The following BCL2L11 variants were observed in gnomAD, a reference collection of about 807,000 sequenced individuals.
BCL2L11 encodes BCL2 like 11.
BCL2L11 carries 15 observed loss-of-function variants against 20.6 expected under a neutral mutation model. The ratio of observed to expected loss-of-function variants is 0.73; its 90% CI spans 0.49 to 1.12. The LOEUF is 1.12. Among genes scored for constraint, BCL2L11 ranks in the 50% most tolerant of loss-of-function variants. The pLI, the probability that BCL2L11 is intolerant of heterozygous loss-of-function variation, is 0.00. For missense variants in BCL2L11, 292 were observed against 260.9 expected (o/e 1.12, Z -0.82); for synonymous variants, 108 against 92.8 (o/e 1.16, Z -0.94).
intron 3 of BCL2L11, among the ~76,000 whole-genome samples, chr2:111,150,764 A>AT (rs1353695261): frequency 6.6e-6 from 1 of 152,142 alleles, no homozygotes; most frequent in East Asian, 1.9e-4. Context: ...TATGTTCTTG[A>AT]TTTTTTAAAA....
At chr2:111,154,020 C>T (rs575668157) in intron 3 of BCL2L11, 1 of 1,169,216 alleles carries the variant, frequency 8.6e-7, no homozygotes. Flanking sequence ...TTTTACTACT[C>T]CAGTGGATTT....
At chr2:111,145,885 CAT>C in intron 2 of BCL2L11, 1 of 842,054 alleles carries the variant, frequency 1.2e-6, no homozygotes, top group Non-Finnish European at 1.4e-6. Context: ...TTATATCTGA[CAT>C]ATTGCATTAT....
At chr2:111,129,973 T>C (rs185412292) in intron 2 of BCL2L11, among the ~76,000 whole-genome samples, 1 of 152,366 alleles carries the variant, frequency 6.6e-6, no homozygotes, top group Admixed American at 6.5e-5. Context: ...CTGAATAGTA[T>C]TCCATAGATG....
intron 3 of BCL2L11, among the ~76,000 whole-genome samples, chr2:111,162,042 A>G (rs2078623834): frequency 6.6e-6 from 1 of 152,098 alleles, no homozygotes; most frequent in African/African-American, 2.4e-5. Flanking sequence ...AGCCACAGTA[A>G]TTTTTATGGC....
rs2073231510 is a variant in BCL2L11, at chr2:111,128,708, A to G, written c.394+4569A>G. 3 of 1,550,238 alleles carry G rather than the reference A, an allele frequency of 1.9e-6. No individual in the cohort carries two copies. The South Asian group carries it at 3.6e-5, about 18-fold the overall frequency. ...GGCTTAGATTTGTATGGCCACCACC[A>G]TAGTCAAGATACAGAACAACTCAAC... On this transcript the variant is annotated intron_variant, in intron 2 of 3. Coordinates refer to ENST00000393256, the MANE Select transcript of BCL2L11 (RefSeq NM_138621.5).
chr2:111,122,644 G>A (rs1354595293), intron 1 of BCL2L11: 2 of 984,008 alleles, frequency 2.0e-6, no homozygotes, highest in Middle Eastern at 5.2e-4. Flanking sequence ...AGGAGCGGGA[G>A]GAGGCGGAGG....
intron 2 of BCL2L11, among the ~76,000 whole-genome samples, chr2:111,139,395 A>G (rs1194923071): frequency 1.3e-5 from 2 of 152,272 alleles, no homozygotes; most frequent in Non-Finnish European, 2.9e-5. Flanking sequence ...CATAGACTCA[A>G]GTACTTTTTC....
intron 2 of BCL2L11, among the ~76,000 whole-genome samples, chr2:111,146,714 G>A (rs944649437): frequency 1.3e-5 from 2 of 152,250 alleles, no homozygotes; most frequent in Non-Finnish European, 2.9e-5. Flanking sequence ...TGAAGTTAAA[G>A]AGAGGCTTTC....
intron 3 of BCL2L11, among the ~76,000 whole-genome samples, chr2:111,154,613 G>T (rs187106573): frequency 5.2e-4 from 79 of 152,334 alleles, no homozygotes; most frequent in African/African-American, 1.9e-3. Flanking sequence ...TGATGTGTCA[G>T]TGTGGCACAG....
chr2:111,130,390 C>G (rs926271257), intron 2 of BCL2L11: 5 of 207,674 alleles, frequency 2.4e-5, no homozygotes, highest in Non-Finnish European at 5.1e-5. Flanking sequence ...AGGCGTGAGC[C>G]ACCACACCTG....
chr2:111,124,081 A>C lies in BCL2L11; in HGVS notation c.336A>C (p.Lys112Asn). The C allele has an allele frequency of 6.2e-7, 1 of 1,614,050 alleles. No homozygotes were observed. The highest frequency in any genetic ancestry group is 8.5e-7 in the Non-Finnish European group (1 of 1,180,006). ...GCCCAGCACCCATGAGTTGTGACAA[A>C]TCAACACAAACCCCAAGTCCTCCTT... ...DRSPAPMSCDKSTQTPSPPCQ... is the reference protein window; with the variant it reads ...DRSPAPMSCDNSTQTPSPPCQ... The change falls in exon 2 of 4, where the codon AAA becomes AAC. Residue 112 changes from lysine (K) to asparagine (N), a missense_variant. Transcript: ENST00000393256.
chr2:111,122,577 G>C, intron 1 of BCL2L11: 1 of 982,314 alleles, frequency 1.0e-6, no homozygotes, highest in Non-Finnish European at 1.2e-6. Flanking sequence ...GGCACCCGGC[G>C]CCAGCGGCGC....
intron 2 of BCL2L11, among the ~76,000 whole-genome samples, chr2:111,142,999 G>A (rs1206600651): frequency 6.6e-6 from 1 of 152,134 alleles, no homozygotes; most frequent in Non-Finnish European, 1.5e-5. Context: ...AATAAATTGG[G>A]TAGTTTACCT....
In BCL2L11 at chr2:111,130,126, T is replaced by G; in HGVS notation, c.394+5987T>G. The G allele has an allele frequency of 5.6e-6, 2 of 354,868 alleles. No individual in the cohort carries two copies. The highest frequency in any genetic ancestry group is 2.0e-5 in the South Asian group (1 of 49,152). The allele number at this position is 354,868 out of a possible 1,614,324, so 22.0% of individuals were successfully genotyped here. On this transcript the variant is annotated intron_variant, in intron 2 of 3. Coordinates refer to ENST00000393256, the MANE Select transcript of BCL2L11 (RefSeq NM_138621.5). ...TTACTTCTCTTTTTTTTTTTTTTTG[T>G]GACAGTCTCACTCTGTCACCCAGGC...
intron 3 of BCL2L11, chr2:111,161,564 CTT>C (rs1339031691): frequency 1.8e-5 from 28 of 1,534,370 alleles, no homozygotes; most frequent in Non-Finnish European, 2.5e-5. Flanking sequence ...TGTTTATTGT[CTT>C]AGCCCATGTT....
At chr2:111,160,717 T>C (rs1410145010) in intron 3 of BCL2L11, among the ~76,000 whole-genome samples, 7 of 152,216 alleles carry the variant, frequency 4.6e-5, no homozygotes, top group Non-Finnish European at 1.0e-4. Flanking sequence ...TAGTATATGG[T>C]CACTTCAGTT....
chr2:111,127,580 G>C (rs1316002243), intron 2 of BCL2L11, among the ~76,000 whole-genome samples: 2 of 152,052 alleles, frequency 1.3e-5, no homozygotes, highest in Non-Finnish European at 2.9e-5. Context: ...GAGATGTTGA[G>C]AGTCAGTCCA....
At chr2:111,124,410 C>T (rs1373268966) in intron 2 of BCL2L11, among the ~76,000 whole-genome samples, 4 of 152,054 alleles carry the variant, frequency 2.6e-5, no homozygotes, top group Non-Finnish European at 5.9e-5. Context: ...CCTACCTCAG[C>T]CTCCAGAGTA....
At chr2:111,144,357 A>T in intron 2 of BCL2L11, 2 of 918,866 alleles carry the variant, frequency 2.2e-6, no homozygotes, top group Non-Finnish European at 3.4e-6. Flanking sequence ...ACCTGGAGGG[A>T]GGTGTGTGTG....
Sources: gnomAD v4.1 joint callset for allele counts (sites outside exome capture counted in the v4.1 genomes callset) on GRCh38, gnomAD v4.1.1 for gene constraint, MANE v1.5 for transcripts, NCBI Gene and HGNC (gene_info 2026-07-23, HGNC 2026-07-21) for gene names.